ACTR3C: variants seen among roughly 807,000 people sequenced by gnomAD.
ACTR3C encodes the protein actin-related protein 3C.
A neutral mutation model predicts 26.3 loss-of-function variants in ACTR3C; 18 were observed. The ratio of observed to expected loss-of-function variants is 0.68; its 90% CI spans 0.47 to 1.01. The LOEUF (loss-of-function observed/expected upper bound fraction) is 1.01. Ranked by LOEUF, ACTR3C falls within the 50% of genes least tolerant of loss-of-function variation. The probability of loss-of-function intolerance (pLI) is 0.00; values close to 1 mark genes in which losing one functional copy is unlikely to be tolerated. For synonymous variants in ACTR3C, 55 were observed against 94.5 expected (o/e 0.58, Z 2.42); for missense variants, 184 against 250.7 (o/e 0.73, Z 1.80).
the ACTR3C span, among the ~76,000 whole-genome samples, chr7:150,068,378 T>C: frequency 6.6e-6 from 1 of 152,240 alleles, no homozygotes; most frequent in Non-Finnish European, 1.5e-5. Context: ...AGGCTGTTTA[T>C]GCCAGCTGAC....
the ACTR3C span, among the ~76,000 whole-genome samples, chr7:150,114,543 G>A: frequency 2.6e-5 from 4 of 152,080 alleles, no homozygotes; most frequent in Non-Finnish European, 4.4e-5. Context: ...GAAAATTTCC[G>A]AGGAAGACGT....
chr7:150,023,787 G>C, the ACTR3C span, among the ~76,000 whole-genome samples: 1 of 146,546 alleles, frequency 6.8e-6, no homozygotes, highest in South Asian at 2.2e-4. Flanking sequence ...GGTAAGTATG[G>C]AAAAGTACTC....
chr7:150,180,137 C>T, the ACTR3C span, among the ~76,000 whole-genome samples: 47 of 150,156 alleles, frequency 3.1e-4, no homozygotes, highest in Admixed American at 7.2e-4. Context: ...AACCCCATCT[C>T]TACTAAAAAT....
intron 6 of ACTR3C, among the ~76,000 whole-genome samples, chr7:150,280,788 C>T (rs1835253443): frequency 6.9e-6 from 1 of 145,732 alleles, no homozygotes; most frequent in Non-Finnish European, 1.5e-5. Flanking sequence ...GCACAATTTT[C>T]CTGCTCTTGA....
At chr7:150,105,144 G>T in the ACTR3C span, among the ~76,000 whole-genome samples, 2 of 148,922 alleles carry the variant, frequency 1.3e-5, no homozygotes, top group Non-Finnish European at 3.0e-5. Flanking sequence ...CTGCAGTGGC[G>T]CTATCTCCGC....
chr7:150,106,071 T>C, the ACTR3C span, among the ~76,000 whole-genome samples: 10 of 151,994 alleles, frequency 6.6e-5, no homozygotes, highest in African/African-American at 2.4e-4. Context: ...TTGCTTGAAA[T>C]GAGCAACTTC....
chr7:150,227,952 G>A, the ACTR3C span, among the ~76,000 whole-genome samples: 3 of 151,714 alleles, frequency 2.0e-5, no homozygotes, highest in Non-Finnish European at 2.9e-5. Flanking sequence ...GTTCTTCTTC[G>A]GTAGTGTATT....
At chr7:150,013,484 C>T in the ACTR3C span, among the ~76,000 whole-genome samples, 33 of 152,180 alleles carry the variant, frequency 2.2e-4, no homozygotes, top group African/African-American at 8.0e-4. Flanking sequence ...ATGGAAATAT[C>T]CATGCCTGTC....
chr7:150,239,551 T>C (rs1832066265), downstream of ACTR3C, among the ~76,000 whole-genome samples: 1 of 138,258 alleles, frequency 7.2e-6, no homozygotes, highest in South Asian at 2.2e-4. Context: ...TATATATATA[T>C]ATATATATAT....
At chr7:150,039,966 C>T in the ACTR3C span, among the ~76,000 whole-genome samples, 1 of 137,742 alleles carries the variant, frequency 7.3e-6, no homozygotes, top group Non-Finnish European at 1.6e-5. Context: ...TCGCAGTCCC[C>T]GCCTCGCGGG....
At chr7:149,983,790 A>G in the ACTR3C span, among the ~76,000 whole-genome samples, 3 of 152,174 alleles carry the variant, frequency 2.0e-5, no homozygotes, top group Non-Finnish European at 2.9e-5. Flanking sequence ...AATATTATTT[A>G]GCCTTAATAC....
At chr7:150,086,528 C>G in the ACTR3C span, among the ~76,000 whole-genome samples, 1 of 151,918 alleles carries the variant, frequency 6.6e-6, no homozygotes, top group Non-Finnish European at 1.5e-5. Context: ...TATTTTAGCC[C>G]TGCTTTCTCA....
At chr7:150,173,682 T>G in the ACTR3C span, among the ~76,000 whole-genome samples, 1 of 119,072 alleles carries the variant, frequency 8.4e-6, no homozygotes, top group Non-Finnish European at 1.6e-5. Context: ...TCTATCACGT[T>G]GTCGGGCTGC....
chr7:149,941,290 T>C, the ACTR3C span, among the ~76,000 whole-genome samples: 1 of 152,208 alleles, frequency 6.6e-6, no homozygotes, highest in African/African-American at 2.4e-5. Flanking sequence ...AGTTTCTACG[T>C]AGGAACTGTT....
chr7:150,077,244 G>A, the ACTR3C span, among the ~76,000 whole-genome samples: 3 of 152,266 alleles, frequency 2.0e-5, no homozygotes, highest in Admixed American at 6.5e-5. Context: ...CTTTCGTGAT[G>A]CTGATTGTTA....
chr7:150,005,970 C>A, the ACTR3C span, among the ~76,000 whole-genome samples: 6,337 of 152,108 alleles, frequency 0.042, 277 homozygotes, highest in East Asian at 0.23. Flanking sequence ...AGCCATAGAC[C>A]GCTCAAAATA....
At chr7:150,059,517 A>C in the ACTR3C span, among the ~76,000 whole-genome samples, 4 of 152,198 alleles carry the variant, frequency 2.6e-5, no homozygotes, top group African/African-American at 9.6e-5. Flanking sequence ...AGAAGAGAAC[A>C]TGTTTTGTGA....
the ACTR3C span, among the ~76,000 whole-genome samples, chr7:150,009,968 G>A: frequency 6.6e-6 from 1 of 152,228 alleles, no homozygotes; most frequent in African/African-American, 2.4e-5. Flanking sequence ...CCCATTACTT[G>A]CCAATTTAAA....
chr7:150,046,352 C>A, the ACTR3C span, among the ~76,000 whole-genome samples: 174 of 66,044 alleles, frequency 2.6e-3, 35 homozygotes, highest in Non-Finnish European at 5.9e-3. Context: ...TCACCGCCCC[C>A]CCCCCCCCGA....
Sources: allele counts gnomAD v4.1 joint callset (sites outside exome capture counted in the v4.1 genomes callset), GRCh38; gene constraint gnomAD v4.1.1; transcripts MANE v1.5; gene names NCBI Gene and HGNC (gene_info 2026-07-23, HGNC 2026-07-21).